SUMF2: variants seen among roughly 807,000 people sequenced by gnomAD.
The protein encoded by SUMF2 is sulfatase modifying factor 2.
In SUMF2, 45 loss-of-function variants were observed where a neutral mutation model predicts 44.8. The ratio of observed to expected loss-of-function variants is 1.00; its 90% CI spans 0.79 to 1.29. SUMF2 has a LOEUF of 1.29. SUMF2 is among the 50% of genes most tolerant of loss of function. SUMF2 has a pLI of 0.00. For synonymous variants in SUMF2, 148 were observed against 150.4 expected (o/e 0.98, Z 0.12); for missense variants, 418 against 389.9 (o/e 1.07, Z -0.61).
downstream of SUMF2, chr7:56,081,639 C>A: frequency 6.2e-7 from 1 of 1,613,526 alleles, no homozygotes; most frequent in South Asian, 1.1e-5. The surrounding 1 kb of genome is among the most constrained non-coding windows in gnomAD (Gnocchi z 4.6). Flanking sequence ...CCTTGAACTT[C>A]CCCCGGGGGC....
Position 56,079,943 on chromosome 7 carries a change from C to A in SUMF2, c.*331C>A, listed in dbSNP as rs1383714478. Reference sequence around the variant, plus strand: ...GGCCATTTTTTAAGCATTTTAAAATCTATTCTCTCCCCCTTTCTCCCTGGA... The same window carrying A: ...GGCCATTTTTTAAGCATTTTAAAATATATTCTCTCCCCCTTTCTCCCTGGA... On this transcript the variant is annotated 3_prime_UTR_variant, in exon 9 of 9. Coordinates refer to ENST00000434526, the MANE Select transcript of SUMF2 (RefSeq NM_015411.4). The A allele has an allele frequency of 3.1e-6, 4 of 1,281,736 alleles. No individual in the cohort carries two copies. Among genetic ancestry groups the A allele is most frequent in the Non-Finnish European group, 4.2e-6 (4 of 942,132 alleles). 79.4% of individuals were successfully genotyped at this position (1,281,736 alleles called of 1,614,324 possible).
downstream of SUMF2, among the ~76,000 whole-genome samples, chr7:56,084,664 C>T (rs1046775285): frequency 1.7e-4 from 26 of 151,738 alleles, no homozygotes; most frequent in Admixed American, 1.5e-3. Flanking sequence ...TGAGCCACCA[C>T]GCCTGGCCGA....
chr7:56,084,197 C>T, downstream of SUMF2: 1 of 1,534,964 alleles, frequency 6.5e-7, no homozygotes, highest in Non-Finnish European at 8.7e-7. Context: ...AGAGTCCCAG[C>T]CCAAGCACCA....
rs1795876740 is a variant in SUMF2 at position 56,080,060 on chromosome 7, G to A, written c.*448G>A. The A allele has an allele frequency of 1.6e-6, 1 of 619,654 alleles. No homozygotes were observed. Among genetic ancestry groups the A allele is most frequent in the South Asian group, 2.1e-5 (1 of 48,336 alleles). 38.4% of individuals were successfully genotyped at this position (619,654 alleles called of 1,614,324 possible). A position where few individuals can be genotyped will look rare whatever the true frequency, so the allele number is the denominator to read the frequency against. The stretch of plus-strand genomic sequence containing the variant: ...GCTGTGGAAGGAGAATGCTTTCTTT[G>A]TGGCCTCATCTGTGGTTTCGTGTCC... On this transcript the variant is annotated 3_prime_UTR_variant, in exon 9 of 9. Coordinates refer to ENST00000434526, the MANE Select transcript of SUMF2 (RefSeq NM_015411.4).
intron 4 of SUMF2, 28 bp from the exon 5 acceptor site, chr7:56,074,558 G>T: frequency 6.2e-7 from 1 of 1,610,386 alleles, no homozygotes; most frequent in Admixed American, 1.7e-5. Context: ...GCTCCCGGAA[G>T]CCTGTCTCAC....
At chr7:56,070,032 C>A (rs1345776969) in intron 2 of SUMF2, among the ~76,000 whole-genome samples, 2 of 152,042 alleles carry the variant, frequency 1.3e-5, no homozygotes, top group Non-Finnish European at 2.9e-5. Context: ...CCTCAGCCTC[C>A]TGAGTAGCTG....
chr7:56,086,613 C>T, the SUMF2 span, among the ~76,000 whole-genome samples: 8 of 152,074 alleles, frequency 5.3e-5, no homozygotes, highest in African/African-American at 1.4e-4. Flanking sequence ...CTCAGCCTCC[C>T]GCGTAGCTGG....
rs760223295 is a variant in SUMF2, at chr7:56,079,604, G to C, written c.898G>C (p.Glu300Gln). Reference sequence around the variant, plus strand: ...TGCAGACGCAGGCCGGCCGCCAGGGGAGCTGTAAGCAGCCGGGTGGTGACA... The same window carrying C: ...TGCAGACGCAGGCCGGCCGCCAGGGCAGCTGTAAGCAGCCGGGTGGTGACA... The part of the protein sequence containing the change: ...CAADAGRPPG[E>Q]L Residue 300 changes from glutamate (E) to glutamine (Q), a missense_variant, in exon 9 of 9, where the codon GAG (glutamate) becomes CAG (glutamine). Coordinates refer to ENST00000434526, the MANE Select transcript of SUMF2 (RefSeq NM_015411.4). 9 of 1,614,112 alleles carry C rather than the reference G, an allele frequency of 5.6e-6. 2 individuals carry two copies. In the South Asian group the frequency reaches 8.8e-5, roughly 16 times the overall value.
downstream of SUMF2, chr7:56,082,276 G>A (rs1424916182): frequency 3.1e-6 from 5 of 1,591,618 alleles, no homozygotes; most frequent in Admixed American, 6.7e-5. Flanking sequence ...TCATCATCAG[G>A]GCAGGTCAGC....
At chr7:56,068,710 T>TG (rs1794974743) in intron 2 of SUMF2, 72 bp downstream of exon 2, 3 of 1,526,954 alleles carry the variant, frequency 2.0e-6, no homozygotes, top group Non-Finnish European at 2.6e-6. Flanking sequence ...CTTTTTTTTT[T>TG]TTTTGTTTTT....
chr7:56,073,976 C>T (rs1795353368), intron 3 of SUMF2, 198 bp from the exon 4 acceptor site: 2 of 599,412 alleles, frequency 3.3e-6, no homozygotes, highest in Non-Finnish European at 5.8e-6. Flanking sequence ...GATGGTGCCA[C>T]TGCACTCTAG....
chr7:56,083,061 G>T, downstream of SUMF2: 4 of 476,974 alleles, frequency 8.4e-6, no homozygotes, highest in Non-Finnish European at 1.5e-5. Flanking sequence ...AGCCGAGATT[G>T]TGCCACTGCA....
Position 56,075,183 on chromosome 7 carries a change from G to GTTT in SUMF2, c.535+460_535+462dup, listed in dbSNP as rs372689175. Among the ~76,000 whole-genome samples the GTTT allele has an allele frequency of 1.8e-4, 25 of 142,058 alleles. No individual in the cohort carries two copies. The East Asian group carries it at 3.1e-3, about 18-fold the overall frequency. 93.2% of individuals were successfully genotyped at this position (142,058 alleles called of 152,430 possible). Reference sequence around the variant, plus strand: ...AAGCTATCTGTGGTGGAGGACCAGTGTTTTTTTTTTTTTTTAATTTCTAGT... The same window carrying GTTT: ...AAGCTATCTGTGGTGGAGGACCAGTGTTTTTTTTTTTTTTTTTTAATTTCTAGT... On this transcript the variant is annotated intron_variant, in intron 5 of 8. Coordinates refer to ENST00000434526, the MANE Select transcript of SUMF2 (RefSeq NM_015411.4).
At chr7:56,087,057 G>C in the SUMF2 span, 1 of 1,589,390 alleles carries the variant, frequency 6.3e-7, no homozygotes, top group Non-Finnish European at 8.6e-7. Context: ...GTCTCAAGTA[G>C]CAGGGGAGCC....
rs752046559 is a variant in SUMF2, at chr7:56,078,348, G to A, written c.677-16G>A. The A allele has an allele frequency of 5.2e-5, 83 of 1,583,302 alleles. No homozygotes were observed. The highest frequency in any genetic ancestry group is 6.6e-5 in the Non-Finnish European group (77 of 1,162,580). ...GGCGGGTCCCAGCCTGGCCTGACCCGCCGGTGGGGCTGCAGGGCTCTATGA... is the reference window on the plus strand; with the variant it reads ...GGCGGGTCCCAGCCTGGCCTGACCCACCGGTGGGGCTGCAGGGCTCTATGA... On this transcript the variant is annotated splice_polypyrimidine_tract_variant and intron_variant, in intron 7 of 8. Transcript: ENST00000434526.
intron 1 of SUMF2, among the ~76,000 whole-genome samples, chr7:56,066,361 A>C (rs1375559302): frequency 6.6e-6 from 1 of 152,190 alleles, no homozygotes; most frequent in Admixed American, 6.5e-5. Flanking sequence ...CCTGCTAACC[A>C]GCTCTTTAAG....
chr7:56,068,610 A>T lies in SUMF2; in HGVS notation c.196A>T (p.Ile66Leu). 1 of 1,613,784 alleles carries T rather than the reference A, an allele frequency of 6.2e-7. No individual in the cohort carries two copies. The highest frequency in any genetic ancestry group is 8.5e-7 in the Non-Finnish European group (1 of 1,179,864). Residue 66 changes from isoleucine to leucine, a missense_variant, in exon 2 of 9, where the codon ATA becomes TTA. Ile to Leu is a conservative substitution (Grantham distance 5, BLOSUM62 2). Transcript: ENST00000434526. ...EATVKPFAID[I>L]FPVTNKDFRD... ...GACAGTGAAACCCTTTGCCATCGAC[A>T]TATTTCCTGTCACCAACAAAGATTT...
intron 5 of SUMF2, among the ~76,000 whole-genome samples, chr7:56,074,954 T>A (rs1225135411): frequency 6.6e-6 from 1 of 152,024 alleles, no homozygotes; most frequent in Non-Finnish European, 1.5e-5. Flanking sequence ...AAAAATGAGC[T>A]GGGCCTGGTG....
chr7:56,085,605 G>A (rs554778612), downstream of SUMF2, among the ~76,000 whole-genome samples: 2 of 152,260 alleles, frequency 1.3e-5, no homozygotes, highest in African/African-American at 2.4e-5. Context: ...CCTCAATACT[G>A]CTGGCCTCCC....
Sources: allele counts gnomAD v4.1 joint callset (sites outside exome capture counted in the v4.1 genomes callset), GRCh38; gene constraint gnomAD v4.1.1; non-coding constraint Gnocchi (gnomAD v3.1); transcripts MANE v1.5; gene names NCBI Gene and HGNC (gene_info 2026-07-23, HGNC 2026-07-21).